Variants in ADAM20 observed in about 807,000 individuals in gnomAD.
The protein encoded by ADAM20 is disintegrin and metalloproteinase domain-containing protein 20.
For missense variants in ADAM20, 871 were observed against 883.2 expected, an observed-to-expected ratio of 0.99 and a Z score of 0.18; for synonymous variants, 305 against 310.2, an observed-to-expected ratio of 0.98 and a Z score of 0.18.
chr14:70,554,401 C>A, the ADAM20 span, among the ~76,000 whole-genome samples: 1 of 152,156 alleles, frequency 6.6e-6, no homozygotes, highest in Admixed American at 6.5e-5. Context: ...TCCAAAGGAA[C>A]TGAAATCAGG....
chr14:70,534,444 AG>A (rs1883787487), intron 1 of ADAM20, among the ~76,000 whole-genome samples: 1 of 152,178 alleles, frequency 6.6e-6, no homozygotes, highest in African/African-American at 2.4e-5. Flanking sequence ...AATAACCAAA[AG>A]GTGGAAAAAA....
intron 1 of ADAM20, among the ~76,000 whole-genome samples, chr14:70,529,249 A>G (rs186708790): frequency 2.0e-5 from 3 of 152,302 alleles, no homozygotes; most frequent in African/African-American, 7.2e-5. Context: ...TCAAGGGCAC[A>G]CAAAATATTC....
the ADAM20 span, chr14:70,556,866 C>T: frequency 0.027 from 4,055 of 152,208 alleles, 81 homozygotes; most frequent in Middle Eastern, 0.058. Context: ...AAAGAAAGTG[C>T]GAGGTGGTGC....
the ADAM20 span, among the ~76,000 whole-genome samples, chr14:70,571,177 C>T: frequency 1.3e-5 from 2 of 152,122 alleles, no homozygotes; most frequent in Admixed American, 6.5e-5. Flanking sequence ...ATGAATTCCC[C>T]TTAAGAATGA....
intron 1 of ADAM20, among the ~76,000 whole-genome samples, chr14:70,526,803 T>G (rs755183677): frequency 3.9e-5 from 6 of 152,144 alleles, no homozygotes; most frequent in African/African-American, 7.2e-5. Flanking sequence ...AGTAATTAAC[T>G]CTTTCTTCTA....
the ADAM20 span, among the ~76,000 whole-genome samples, chr14:70,561,583 T>C: frequency 5.9e-5 from 9 of 152,230 alleles, no homozygotes; most frequent in Admixed American, 2.0e-4. Flanking sequence ...GTCACTCTCA[T>C]CACAGGTCTG....
At chr14:70,578,428 C>T in the ADAM20 span, among the ~76,000 whole-genome samples, 1 of 151,960 alleles carries the variant, frequency 6.6e-6, no homozygotes, top group Non-Finnish European at 1.5e-5. Context: ...TGGACATTGG[C>T]CTAGGTGAAG....
chr14:70,565,208 C>A, the ADAM20 span, among the ~76,000 whole-genome samples: 1 of 150,366 alleles, frequency 6.7e-6, no homozygotes, highest in Non-Finnish European at 1.5e-5. Context: ...CGAGGATGGG[C>A]AATTTGAAAT....
the ADAM20 span, among the ~76,000 whole-genome samples, chr14:70,540,547 A>T: frequency 6.6e-6 from 1 of 152,208 alleles, no homozygotes; most frequent in Non-Finnish European, 1.5e-5. Context: ...ATAAGGTATC[A>T]ACATTTGTCA....
chr14:70,573,052 C>G, the ADAM20 span, among the ~76,000 whole-genome samples: 1 of 152,200 alleles, frequency 6.6e-6, no homozygotes, highest in African/African-American at 2.4e-5. Context: ...TAAAATAGAA[C>G]TACCATTTGA....
the ADAM20 span, among the ~76,000 whole-genome samples, chr14:70,578,451 A>C: frequency 6.6e-6 from 1 of 152,154 alleles, no homozygotes; most frequent in Non-Finnish European, 1.5e-5. Context: ...CTTATGACTA[A>C]GACCTCAAAG....
chr14:70,536,787 A>C (rs915554347), upstream of ADAM20, among the ~76,000 whole-genome samples: 10 of 152,028 alleles, frequency 6.6e-5, no homozygotes, highest in African/African-American at 2.4e-4. Context: ...CTCCAGCTGG[A>C]GAGATGTCAG....
the ADAM20 span, among the ~76,000 whole-genome samples, chr14:70,563,981 G>T: frequency 9.3e-3 from 1,413 of 152,336 alleles, 26 homozygotes; most frequent in African/African-American, 0.032. Context: ...AACTGGCTTA[G>T]TTCAGAGCCA....
chr14:70,533,255 T>C (rs1336560294), intron 1 of ADAM20, among the ~76,000 whole-genome samples: 2 of 152,168 alleles, frequency 1.3e-5, no homozygotes, highest in Non-Finnish European at 1.5e-5. Context: ...ACTGAGTATA[T>C]ACTCAAAGGA....
the ADAM20 span, among the ~76,000 whole-genome samples, chr14:70,546,852 C>G: frequency 6.6e-6 from 1 of 151,832 alleles, no homozygotes; most frequent in Non-Finnish European, 1.5e-5. Context: ...TACAAAAGAT[C>G]AACATTTAAA....
At chr14:70,540,704 C>G in the ADAM20 span, among the ~76,000 whole-genome samples, 625 of 152,216 alleles carry the variant, frequency 4.1e-3, 6 homozygotes, top group African/African-American at 0.014. Flanking sequence ...AATCTTGTGG[C>G]CTTAGGCAGT....
chr14:70,534,698 T>C (rs1425156915), intron 1 of ADAM20, 99 bp downstream of exon 1: 1 of 152,208 alleles, frequency 6.6e-6, no homozygotes, highest in Non-Finnish European at 1.5e-5. Flanking sequence ...TCAATGGATA[T>C]ATAATTTCAG....
chr14:70,544,692 A>T, the ADAM20 span, among the ~76,000 whole-genome samples: 2 of 152,164 alleles, frequency 1.3e-5, no homozygotes, highest in Non-Finnish European at 2.9e-5. Flanking sequence ...AGAAATATTG[A>T]ATTTTCTCAT....
the ADAM20 span, among the ~76,000 whole-genome samples, chr14:70,569,887 A>C: frequency 5.9e-5 from 2 of 33,866 alleles, no homozygotes; most frequent in African/African-American, 6.3e-4. Context: ...AAAACTAACA[A>C]AAAAAAAAAA....
Sources: allele counts gnomAD v4.1 joint callset (sites outside exome capture counted in the v4.1 genomes callset), GRCh38; gene constraint gnomAD v4.1.1; transcripts MANE v1.5; gene names NCBI Gene and HGNC (gene_info 2026-07-23, HGNC 2026-07-21).